Variants in NPC1 observed in about 807,000 individuals in gnomAD.
The protein encoded by NPC1 is NPC intracellular cholesterol transporter 1.
NPC1 carries 85 observed loss-of-function variants against 140.4 expected under a neutral mutation model. The observed-to-expected ratio is 0.61, with a 90% CI of 0.51 to 0.72. The LOEUF is 0.72. NPC1 is among the 30% of genes least tolerant of loss of function. The probability of loss-of-function intolerance (pLI) is 0.00; values close to 1 mark genes in which losing one functional copy is unlikely to be tolerated. For missense variants in NPC1, 1,504 were observed against 1,623.8 expected, an observed-to-expected ratio of 0.93 and a Z score of 1.27; for synonymous variants, 656 against 624.8, an observed-to-expected ratio of 1.05 and a Z score of -0.74.
intron 3 of NPC1, among the ~76,000 whole-genome samples, chr18:23,569,771 C>G (rs1835239460): frequency 6.6e-6 from 1 of 152,200 alleles, no homozygotes; most frequent in Non-Finnish European, 1.5e-5. Flanking sequence ...AGATAGAGAA[C>G]AGCAATGTTG....
chr18:23,553,461 A>G (rs2058903687), intron 9 of NPC1, among the ~76,000 whole-genome samples: 1 of 152,248 alleles, frequency 6.6e-6, no homozygotes, highest in South Asian at 2.1e-4. Flanking sequence ...GAGTAAATAT[A>G]GCCCAACTGC....
Position 23,573,467 on chromosome 18 carries a change from T to G in NPC1, c.165A>C (p.Gly55=). Residue 55 remains glycine (G), a synonymous_variant, in exon 2 of 25, where the codon GGA becomes GGC. Transcript: ENST00000269228. The part of the protein sequence containing the change: ...SGPPKPLPKD[G]YDLVQELCPG... ...ATGAACTTACCTGCACTAAGTCATA[T>G]CCATCCTTTGGCAATGGTTTTGGTG... The G allele has an allele frequency of 6.2e-7, 1 of 1,614,218 alleles. No homozygotes were observed.
downstream of NPC1, chr18:23,531,430 G>A (rs2058501171): frequency 8.5e-7 from 1 of 1,179,604 alleles, no homozygotes; most frequent in Non-Finnish European, 1.1e-6. Context: ...CATAAGGACA[G>A]GTTAGATAGA....
chr18:23,574,384 C>T (rs2059245469), intron 1 of NPC1, among the ~76,000 whole-genome samples: 1 of 152,052 alleles, frequency 6.6e-6, no homozygotes, highest in South Asian at 2.1e-4. Context: ...GTCTGTTCTA[C>T]AGGGAAACAG....
chr18:23,563,857 T>C (rs908593493), intron 4 of NPC1, among the ~76,000 whole-genome samples: 1 of 152,224 alleles, frequency 6.6e-6, no homozygotes, highest in Admixed American at 6.5e-5. Flanking sequence ...ATTTCCCTGA[T>C]GACTCATAGT....
At position 23,545,098 on chromosome 18, in the gene NPC1, G is replaced by A; in HGVS notation, c.1809C>T (p.Phe603=). 1 of 1,613,452 alleles carries A rather than the reference G, an allele frequency of 6.2e-7. No individual in the cohort carries two copies. Among genetic ancestry groups the A allele is most frequent in the African/African-American group, 1.3e-5 (1 of 75,028 alleles). The part of the protein sequence containing the change: ...NYKNPNLTIS[F]TAERSIEDEL... ...CATCTTCAATACTTCGTTCAGCAGTGAAGGAAATGGTCAGATTGGGATTCT... is the reference window on the plus strand; with the variant it reads ...CATCTTCAATACTTCGTTCAGCAGTAAAGGAAATGGTCAGATTGGGATTCT... Residue 603 remains phenylalanine (F), a synonymous_variant, in exon 12 of 25, where the codon TTC becomes TTT. Coordinates refer to ENST00000269228, the MANE Select transcript of NPC1 (RefSeq NM_000271.5).
intron 9 of NPC1, among the ~76,000 whole-genome samples, chr18:23,553,635 T>C (rs1036689540): frequency 6.6e-6 from 1 of 152,222 alleles, no homozygotes; most frequent in Non-Finnish European, 1.5e-5. Flanking sequence ...ATAGCCACTG[T>C]GGTTGCTCAA....
At chr18:23,527,827 G>A (rs1321939725), downstream of NPC1, 5 of 1,613,940 alleles carry the variant, frequency 3.1e-6, no homozygotes, top group Middle Eastern at 1.6e-4. Flanking sequence ...ATCGCTGCCC[G>A]TGATAGCCAC....
chr18:23,575,752 G>A (rs1346629705), intron 1 of NPC1, among the ~76,000 whole-genome samples: 1 of 110,532 alleles, frequency 9.0e-6, no homozygotes, highest in East Asian at 2.8e-4. Context: ...ATCTTCTAGA[G>A]ACACAGCAGA....
At chr18:23,563,914 A>G (rs75112962) in intron 4 of NPC1, among the ~76,000 whole-genome samples, 6,387 of 151,304 alleles carry the variant, frequency 0.042, 416 homozygotes, top group African/African-American at 0.15. Context: ...TATCTTCCTT[A>G]GAGAAATGTC....
downstream of NPC1, among the ~76,000 whole-genome samples, chr18:23,517,324 AT>A (rs1417215656): frequency 6.6e-6 from 1 of 151,522 alleles, no homozygotes; most frequent in South Asian, 2.1e-4. Context: ...TAATTTTTGT[AT>A]TTTTAGTAGA....
intron 3 of NPC1, 41 bp from the exon 4 acceptor site, chr18:23,569,039 T>C (rs755390760): frequency 2.1e-6 from 3 of 1,399,900 alleles, no homozygotes; most frequent in Non-Finnish European, 3.0e-6. Flanking sequence ...ATCTCACACA[T>C]AATAGGGCCA....
chr18:23,515,957 C>T, intron 3 of NPC1: 1 of 1,614,124 alleles, frequency 6.2e-7, no homozygotes, highest in South Asian at 1.1e-5. Flanking sequence ...TGCTGTCTAC[C>T]ACGGTCCTGG....
chr18:23,583,586 G>A (rs2059381798), intron 1 of NPC1, among the ~76,000 whole-genome samples: 1 of 151,850 alleles, frequency 6.6e-6, no homozygotes, highest in Admixed American at 6.6e-5. Context: ...AGGGGCACCC[G>A]AGATCAGAGA....
intron 12 of NPC1, 149 bp downstream of exon 12, chr18:23,544,811 G>A: frequency 1.4e-6 from 1 of 700,264 alleles, no homozygotes; most frequent in Non-Finnish European, 2.5e-6. Context: ...AATAGATGTA[G>A]GCAACAGAAA....
chr18:23,571,879 A>G (rs56257245), intron 3 of NPC1, among the ~76,000 whole-genome samples, 195 bp downstream of exon 3: 11 of 151,690 alleles, frequency 7.3e-5, no homozygotes, highest in Non-Finnish European at 1.6e-4. Flanking sequence ...CACATTATAC[A>G]TACATGTATT....
At chr18:23,543,044 C>T (rs117575058) in intron 14 of NPC1, among the ~76,000 whole-genome samples, 3,722 of 152,176 alleles carry the variant, frequency 0.024, 68 homozygotes, top group Non-Finnish European at 0.04. Context: ...GGAGACAACA[C>T]GGGCTGGGCA....
intron 1 of NPC1, chr18:23,576,476 C>G (rs555264366): frequency 1.0e-6 from 1 of 986,250 alleles, no homozygotes; most frequent in Non-Finnish European, 1.2e-6. Context: ...GACCCAAAGA[C>G]TTACAAAGCA....
chr18:23,550,036 G>T (rs1197335951), intron 10 of NPC1, among the ~76,000 whole-genome samples: 53 of 146,210 alleles, frequency 3.6e-4, no homozygotes, highest in Non-Finnish European at 5.2e-4. Context: ...TTTTTTTTCT[G>T]GCAAGGTCTC....
Sources: gnomAD v4.1 joint callset for allele counts (sites outside exome capture counted in the v4.1 genomes callset) on GRCh38, gnomAD v4.1.1 for gene constraint, MANE v1.5 for transcripts, NCBI Gene and HGNC (gene_info 2026-07-23, HGNC 2026-07-21) for gene names.